Variants in ICE1 observed in about 807,000 individuals in gnomAD.
The protein encoded by ICE1 is little elongation complex subunit 1.
In ICE1, 64 loss-of-function variants were observed where a neutral mutation model predicts 192.7. The observed-to-expected ratio is 0.33, with a 90% CI of 0.27 to 0.41. The LOEUF is 0.41. Among genes scored for constraint, ICE1 ranks in the 10% least tolerant of loss-of-function variants. ICE1 has a pLI of 1.00. For missense variants in ICE1, 2,708 were observed against 2,696.0 expected (o/e 1.00, Z -0.10); for synonymous variants, 1,010 against 984.5 (o/e 1.03, Z -0.49).
chr5:5,447,707 T>C lies in ICE1; in HGVS notation c.508-14T>C, dbSNP rs1486551524. On this transcript the variant is annotated splice_polypyrimidine_tract_variant and intron_variant, in intron 8 of 18. Coordinates refer to ENST00000296564, the MANE Select transcript of ICE1 (RefSeq NM_015325.3). ...TTATTCAGCATAAACACTATTAATATTTTGTTTTCACAGGAAAGGCTTGAC... is the reference window on the plus strand; with the variant it reads ...TTATTCAGCATAAACACTATTAATACTTTGTTTTCACAGGAAAGGCTTGAC... The C allele has an allele frequency of 6.4e-7, 1 of 1,567,720 alleles. No homozygotes were observed. The highest frequency in any genetic ancestry group is 1.7e-4 in the Middle Eastern group (1 of 5,990).
Position 5,461,319 on chromosome 5 carries a change from A to T in ICE1, c.1985A>T (p.Lys662Ile). Residue 662 changes from lysine to isoleucine, a missense_variant, in exon 13 of 19, where the codon AAA (lysine) becomes ATA (isoleucine). Physicochemically the swap from Lys to Ile is moderately radical, Grantham distance 102. Coordinates refer to ENST00000296564, the MANE Select transcript of ICE1 (RefSeq NM_015325.3). The part of the protein sequence containing the change: ...DCGNDTDITT[K>I]VFSTEPHHSE... ...GGTAATGATACAGATATTACTACTAAAGTATTCTCTACTGAACCGCATCAT... is the reference window on the plus strand; with the variant it reads ...GGTAATGATACAGATATTACTACTATAGTATTCTCTACTGAACCGCATCAT... 1 of 1,613,906 alleles carries T rather than the reference A, an allele frequency of 6.2e-7. No individual in the cohort carries two copies. The highest frequency in any genetic ancestry group is 1.1e-5 in the South Asian group (1 of 91,080).
rs59266585 is a variant in ICE1 at position 5,447,826 on chromosome 5, T to TC, written c.548-11dup. 2 of 1,575,180 alleles carry TC rather than the reference T, an allele frequency of 1.3e-6. No individual in the cohort carries two copies. Among genetic ancestry groups the TC allele is most frequent in the South Asian group, 1.2e-5 (1 of 86,376 alleles). On this transcript the variant is annotated splice_polypyrimidine_tract_variant and intron_variant, in intron 9 of 18. Transcript: ENST00000296564. ...ATGTAGTATTTTATTAACCGTTTTT[T>TC]CCCCATGCTTTTAGAGTTGAGACAT...
At chr5:5,426,886 G>A (rs181488193) in intron 1 of ICE1, among the ~76,000 whole-genome samples, 1 of 152,198 alleles carries the variant, frequency 6.6e-6, no homozygotes, top group Non-Finnish European at 1.5e-5. Flanking sequence ...ACAGAGAGAA[G>A]ATATTCTGTG....
intron 11 of ICE1, 92 bp from the exon 12 acceptor site, chr5:5,457,240 A>G: frequency 8.1e-7 from 1 of 1,227,180 alleles, no homozygotes; most frequent in South Asian, 1.9e-5. Context: ...AGCATTTTGA[A>G]CTGTTGTAAT....
intron 12 of ICE1, among the ~76,000 whole-genome samples, chr5:5,458,650 G>C (rs1738656863): frequency 6.6e-6 from 1 of 152,178 alleles, no homozygotes; most frequent in Non-Finnish European, 1.5e-5. Flanking sequence ...GTGTGTGGTA[G>C]ATTCATGCAG....
In ICE1 at chr5:5,461,610, T is replaced by C. The variant is rs1424408021; in HGVS notation, c.2276T>C (p.Ile759Thr). ...DGQCESQDPR[I>T]ELTLNKPDFT... ...CAATGTGAAAGTCAAGATCCAAGAA[T>C]TGAGCTCACACTAAATAAGCCAGAT... The change falls in exon 13 of 19, where the codon ATT (isoleucine) becomes ACT (threonine). Residue 759 changes from isoleucine to threonine, a missense_variant. Coordinates refer to ENST00000296564, the MANE Select transcript of ICE1 (RefSeq NM_015325.3). 2 of 1,613,254 alleles carry C rather than the reference T, an allele frequency of 1.2e-6. No individual in the cohort carries two copies. The highest frequency in any genetic ancestry group is 3.3e-5 in the Admixed American group (2 of 59,898).
chr5:5,454,320 A>AT (rs935106233), intron 10 of ICE1, among the ~76,000 whole-genome samples: 53 of 150,984 alleles, frequency 3.5e-4, no homozygotes, highest in East Asian at 2.3e-3. Context: ...TCTGCCACCA[A>AT]TTTTTTTTTT....
chr5:5,464,624 C>G lies in ICE1; in HGVS notation c.5290C>G (p.Arg1764Gly). 4 of 1,612,636 alleles carry G rather than the reference C, an allele frequency of 2.5e-6. No individual in the cohort carries two copies. The highest frequency in any genetic ancestry group is 3.4e-6 in the Non-Finnish European group (4 of 1,179,212). The change falls in exon 13 of 19, where the codon CGG becomes GGG. Residue 1764 changes from arginine to glycine, a missense_variant. Around this residue, in one of 2 missense-constraint regions of ICE1, gnomAD observed 2,366 missense variants for 2,276.6 expected, o/e 1.04. Coordinates refer to ENST00000296564, the MANE Select transcript of ICE1 (RefSeq NM_015325.3). The surrounding 1 kb of genome is among the most constrained non-coding windows in gnomAD (Gnocchi z 4.0). The stretch of plus-strand genomic sequence containing the variant: ...GTATCCAGAGTTATCTGCCAGGGCC[C>G]GGACCCTCAACATCCTCAAAGGGAA... ...TMYPELSARA[R>G]TLNILKGNIQ... is the part of the protein sequence containing the mutation.
intron 6 of ICE1, 75 bp from the exon 7 acceptor site, chr5:5,444,214 G>A (rs1044611303): frequency 1.7e-5 from 15 of 890,856 alleles, no homozygotes; most frequent in Non-Finnish European, 2.3e-5. Context: ...TAAAAAATAT[G>A]TGCCACAAAT....
chr5:5,473,723 A>G lies in ICE1; in HGVS notation c.6388A>G (p.Ile2130Val). 1 of 1,605,038 alleles carries G rather than the reference A, an allele frequency of 6.2e-7. No homozygotes were observed. The highest frequency in any genetic ancestry group is 8.5e-7 in the Non-Finnish European group (1 of 1,177,416). The stretch of plus-strand genomic sequence containing the variant: ...TCTGCTCTGCTGCCATCAGAAATGG[A>G]TCTGGACGCATGATAACATCATAAG... ...IDLLCCHQKW[I>V]WTHDNIISKE... Residue 2130 changes from isoleucine to valine, a missense_variant, in exon 16 of 19, where the codon ATC (isoleucine) becomes GTC (valine). Ile to Val is a conservative substitution (Grantham distance 29). This residue lies in a region of ICE1 where 342 missense variants were observed against 419.3 expected (regional missense o/e 0.82). Transcript: ENST00000296564.
intron 1 of ICE1, among the ~76,000 whole-genome samples, chr5:5,423,297 G>A (rs1014276379): frequency 2.0e-5 from 3 of 152,114 alleles, no homozygotes; most frequent in African/African-American, 4.8e-5. Flanking sequence ...ACCCGGCCTC[G>A]GAGCTCCCTA....
At chr5:5,439,164 A>C (rs1018406277) in intron 3 of ICE1, among the ~76,000 whole-genome samples, 1 of 152,152 alleles carries the variant, frequency 6.6e-6, no homozygotes, top group Admixed American at 6.5e-5. Flanking sequence ...ATTTTATTTC[A>C]TCAGGTATTT....
intron 11 of ICE1, among the ~76,000 whole-genome samples, chr5:5,456,101 A>G (rs1453820539): frequency 2.6e-5 from 4 of 152,226 alleles, no homozygotes; most frequent in African/African-American, 9.7e-5. Flanking sequence ...AGAACGTCAC[A>G]GTGGTGCTGT....
intron 5 of ICE1, among the ~76,000 whole-genome samples, chr5:5,442,446 TCA>T (rs1280190592): frequency 6.6e-6 from 1 of 152,218 alleles, no homozygotes; most frequent in Non-Finnish European, 1.5e-5. Flanking sequence ...ACAGAAACAA[TCA>T]CAGTGTTCAA....
intron 15 of ICE1, among the ~76,000 whole-genome samples, chr5:5,470,742 A>T (rs928415128): frequency 6.6e-6 from 1 of 152,214 alleles, no homozygotes; most frequent in Non-Finnish European, 1.5e-5. Flanking sequence ...ATTCCCTGGT[A>T]ATAATTCAGT....
intron 17 of ICE1, among the ~76,000 whole-genome samples, chr5:5,478,605 A>G (rs112183811): frequency 0.05 from 7,588 of 152,302 alleles, 644 homozygotes; most frequent in East Asian, 0.35. Context: ...AAACTACTTT[A>G]AATTTCATAT....
chr5:5,456,428 T>A (rs2111369116), intron 11 of ICE1, among the ~76,000 whole-genome samples: 1 of 152,350 alleles, frequency 6.6e-6, no homozygotes, highest in East Asian at 1.9e-4. Flanking sequence ...AATTCTTACG[T>A]AAGGAAGAGC....
chr5:5,468,793 A>T (rs1172535807), intron 14 of ICE1, 35 bp from the exon 15 acceptor site: 3 of 1,312,990 alleles, frequency 2.3e-6, no homozygotes, highest in Non-Finnish European at 3.1e-6. Flanking sequence ...TCGATCATAC[A>T]TCAAAGAGTT....
At chr5:5,470,572 G>A (rs1270120882) in intron 15 of ICE1, among the ~76,000 whole-genome samples, 2 of 152,042 alleles carry the variant, frequency 1.3e-5, no homozygotes, top group Non-Finnish European at 2.9e-5. Context: ...TAAACATCTG[G>A]TAAACAAAAA....
Sources: allele counts gnomAD v4.1 joint callset (sites outside exome capture counted in the v4.1 genomes callset), GRCh38; gene constraint gnomAD v4.1.1; regional missense constraint gnomAD v4.1.1; non-coding constraint Gnocchi (gnomAD v3.1); transcripts MANE v1.5; gene names NCBI Gene and HGNC (gene_info 2026-07-23, HGNC 2026-07-21).